Variants in NHSL1 observed in about 807,000 individuals in gnomAD.
NHSL1 encodes NHS like 1.
In NHSL1, 48 loss-of-function variants were observed where a neutral mutation model predicts 95.0. The observed-to-expected ratio is 0.51, with a 90% CI of 0.40 to 0.64. NHSL1 has a LOEUF of 0.64. NHSL1 is among the 30% of genes least tolerant of loss of function. The pLI, the probability that NHSL1 is intolerant of heterozygous loss-of-function variation, is 0.00. For synonymous variants in NHSL1, 783 were observed against 833.9 expected (o/e 0.94, Z 1.05); for missense variants, 1,971 against 2,077.7 (o/e 0.95, Z 1.00).
chr6:138,623,923 T>C (rs1281084370), intron 1 of NHSL1, among the ~76,000 whole-genome samples: 1 of 152,154 alleles, frequency 6.6e-6, no homozygotes, highest in Non-Finnish European at 1.5e-5. Flanking sequence ...TTCCCCTGCT[T>C]GCATTCGCTC....
intron 3 of NHSL1, among the ~76,000 whole-genome samples, chr6:138,451,490 C>A (rs936256742): frequency 1.6e-4 from 24 of 152,100 alleles, no homozygotes; most frequent in African/African-American, 5.3e-4. Context: ...GTCTCTCCGA[C>A]AAGAATATAA....
intron 1 of NHSL1, among the ~76,000 whole-genome samples, chr6:138,677,659 GCA>G (rs2114777872): frequency 6.6e-6 from 1 of 152,260 alleles, no homozygotes; most frequent in East Asian, 1.9e-4. Flanking sequence ...ACTGCCCCAA[GCA>G]GAGCCCACAT....
At chr6:138,552,553 T>C (rs1393922908) in intron 1 of NHSL1, among the ~76,000 whole-genome samples, 1 of 152,178 alleles carries the variant, frequency 6.6e-6, no homozygotes, top group Non-Finnish European at 1.5e-5. Flanking sequence ...TGGCTCCTTT[T>C]CATGAAATTT....
At chr6:138,534,143 A>C (rs181368653) in intron 1 of NHSL1, among the ~76,000 whole-genome samples, 5 of 152,334 alleles carry the variant, frequency 3.3e-5, no homozygotes, top group Non-Finnish European at 5.9e-5. Flanking sequence ...ATCTACTTTT[A>C]TATTTTAAGC....
intron 1 of NHSL1, among the ~76,000 whole-genome samples, chr6:138,604,133 G>C (rs1400875024): frequency 6.6e-6 from 1 of 152,158 alleles, no homozygotes; most frequent in African/African-American, 2.4e-5. Context: ...ATCAACTTAA[G>C]TAGCTCTAAA....
intron 1 of NHSL1, among the ~76,000 whole-genome samples, chr6:138,638,866 C>T (rs1005697878): frequency 2.6e-5 from 4 of 152,220 alleles, no homozygotes; most frequent in African/African-American, 9.6e-5. Context: ...AAGAAAAGAG[C>T]TCACTATTTT....
intron 3 of NHSL1, among the ~76,000 whole-genome samples, chr6:138,468,601 C>T (rs924263143): frequency 2.0e-5 from 3 of 152,168 alleles, no homozygotes; most frequent in Non-Finnish European, 4.4e-5. Flanking sequence ...GATGATCTGA[C>T]ATGGAACAGT....
intron 1 of NHSL1, among the ~76,000 whole-genome samples, chr6:138,537,785 C>T (rs1170891841): frequency 1.3e-5 from 2 of 152,142 alleles, no homozygotes; most frequent in Non-Finnish European, 2.9e-5. Flanking sequence ...TCTGGCTTTG[C>T]TTTGTTCCCA....
intron 3 of NHSL1, among the ~76,000 whole-genome samples, chr6:138,457,775 C>T (rs1198963607): frequency 6.6e-6 from 1 of 151,962 alleles, no homozygotes; most frequent in Non-Finnish European, 1.5e-5. Context: ...TTTGGGAGGC[C>T]GAGGTGGGCG....
At chr6:138,460,230 C>CT (rs991716860) in intron 3 of NHSL1, among the ~76,000 whole-genome samples, 6 of 151,290 alleles carry the variant, frequency 4.0e-5, no homozygotes, top group South Asian at 2.1e-4. Flanking sequence ...GATAAGATTT[C>CT]TTTTTTTTTA....
intron 1 of NHSL1, among the ~76,000 whole-genome samples, chr6:138,601,083 T>C (rs1230448447): frequency 1.3e-5 from 2 of 152,218 alleles, no homozygotes; most frequent in Non-Finnish European, 2.9e-5. Context: ...ATGTATAAAA[T>C]AGAATCTGGA....
intron 2 of NHSL1, among the ~76,000 whole-genome samples, chr6:138,475,873 G>A (rs1193778950): frequency 6.6e-6 from 1 of 152,178 alleles, no homozygotes; most frequent in African/African-American, 2.4e-5. Context: ...TGAGGCAGGA[G>A]AATTGCTTGA....
chr6:138,582,471 C>G (rs114791738), intron 1 of NHSL1, among the ~76,000 whole-genome samples: 2,583 of 152,180 alleles, frequency 0.017, 60 homozygotes, highest in African/African-American at 0.059. Flanking sequence ...GACCCATTTG[C>G]TTTCAGTCAC....
intron 1 of NHSL1, among the ~76,000 whole-genome samples, chr6:138,539,550 C>A (rs1352703579): frequency 6.6e-6 from 1 of 152,080 alleles, no homozygotes; most frequent in Non-Finnish European, 1.5e-5. Context: ...CCCAATGAGC[C>A]ATCACAGAGG....
chr6:138,499,285 C>A lies in NHSL1; in HGVS notation c.6G>T (p.Val2=). Residue 2 remains valine, a synonymous_variant, in exon 1 of 8, where the codon GTG becomes GTT. Transcript: ENST00000343505. M[V]VFINAKIKSL... ...ACTTAATCTTTGCATTAATGAAGAC[C>A]ACCATTTCCAGGGCACCTACATAGA... 2 of 1,550,602 alleles carry A rather than the reference C, an allele frequency of 1.3e-6. No individual in the cohort carries two copies. Among genetic ancestry groups the A allele is most frequent in the Middle Eastern group, 3.3e-4 (2 of 5,984 alleles).
chr6:138,522,728 T>C (rs866501147), intron 1 of NHSL1, among the ~76,000 whole-genome samples: 4 of 152,174 alleles, frequency 2.6e-5, no homozygotes, highest in Non-Finnish European at 5.9e-5. Flanking sequence ...GGAAGATCAC[T>C]TGGGCCCAGG....
chr6:138,552,663 T>C (rs1783052816), intron 1 of NHSL1, among the ~76,000 whole-genome samples: 1 of 152,142 alleles, frequency 6.6e-6, no homozygotes, highest in Non-Finnish European at 1.5e-5. Context: ...TGGTTTCATC[T>C]TCCCAGGGAA....
At chr6:138,607,072 T>A (rs1361031873) in intron 1 of NHSL1, among the ~76,000 whole-genome samples, 1 of 152,130 alleles carries the variant, frequency 6.6e-6, no homozygotes, top group Non-Finnish European at 1.5e-5. Context: ...GGTGCTACCA[T>A]CAAAACCTAT....
chr6:138,562,068 A>G (rs1344698399), intron 1 of NHSL1, among the ~76,000 whole-genome samples: 2 of 152,220 alleles, frequency 1.3e-5, no homozygotes, highest in Non-Finnish European at 2.9e-5. Flanking sequence ...GGCAGACCAC[A>G]GCTAGACCAC....
Sources: allele counts gnomAD v4.1 joint callset (sites outside exome capture counted in the v4.1 genomes callset), GRCh38; gene constraint gnomAD v4.1.1; transcripts MANE v1.5; gene names NCBI Gene and HGNC (gene_info 2026-07-23, HGNC 2026-07-21).